Variants in PLEKHA7 observed in about 807,000 individuals in gnomAD.
The protein encoded by PLEKHA7 is pleckstrin homology domain containing A7.
A neutral mutation model predicts 170.0 loss-of-function variants in PLEKHA7; 104 were observed. That is an observed-to-expected ratio of 0.61 (90% CI 0.52 to 0.72). The LOEUF (loss-of-function observed/expected upper bound fraction) is 0.72, where lower values mean the gene tolerates loss of function less well. PLEKHA7 is among the 30% of genes least tolerant of loss of function. The pLI is 0.00. For synonymous variants in PLEKHA7, 648 were observed against 660.8 expected, an observed-to-expected ratio of 0.98 and a Z score of 0.30; for missense variants, 1,615 against 1,671.7, an observed-to-expected ratio of 0.97 and a Z score of 0.59.
At position 16,948,649 on chromosome 11, in the gene PLEKHA7, A is replaced by AAC. The variant is rs113101282; in HGVS notation, c.221+65338_221+65339dup. ...GTGCACACACACAGAGTGAAGGAGG[A>AAC]ACACACACACACACACACACACACA... On this transcript the variant is annotated intron_variant, in intron 3 of 26. Transcript: ENST00000531066. 1.6e-3 allele frequency among the ~76,000 whole-genome samples: 145 copies of AAC among 92,874 alleles called. 1 individual carries two copies. Among genetic ancestry groups the AAC allele is most frequent in the East Asian group, 4.8e-3 (6 of 1,254 alleles). The allele number at this position is 92,874 out of a possible 152,430, so 60.9% of individuals were successfully genotyped here. A position where few individuals can be genotyped will look rare whatever the true frequency, so the allele number is the denominator to read the frequency against.
Position 17,013,883 on chromosome 11 carries a change from G to A in PLEKHA7, c.221+106C>T, listed in dbSNP as rs961871587. ...TGGCCGCGGCGCAGCGCGCGCCAAC[G>A]AGCCCGGGCCGGCGGGAGCAGAGGA... On this transcript the variant is annotated intron_variant, in intron 3 of 26. Coordinates refer to ENST00000531066, the MANE Select transcript of PLEKHA7 (RefSeq NM_001329630.2). The A allele has an allele frequency of 2.4e-5, 31 of 1,266,696 alleles. No individual in the cohort carries two copies. In the African/African-American group the frequency reaches 3.5e-4, roughly 14 times the overall value. The allele number at this position is 1,266,696 out of a possible 1,614,324, so 78.5% of individuals were successfully genotyped here. A position where few individuals can be genotyped will look rare whatever the true frequency, so the allele number is the denominator to read the frequency against.
chr11:16,843,318 A>G (rs982373435), intron 8 of PLEKHA7, among the ~76,000 whole-genome samples: 1 of 152,252 alleles, frequency 6.6e-6, no homozygotes, highest in Non-Finnish European at 1.5e-5. Context: ...ATGAGAACCA[A>G]TGAAAAACTA....
chr11:16,819,160 C>A lies in PLEKHA7; in HGVS notation c.1344-1838G>T, dbSNP rs1850017621. On this transcript the variant is annotated intron_variant, in intron 10 of 26. Transcript: ENST00000531066. ...TTGCCCAGGCTGGAGTGCAGCGGTG[C>A]AATCTTGGCTCACTGCAACCTCCGC... Among the ~76,000 whole-genome samples, 2 of 151,756 alleles carry A rather than the reference C, an allele frequency of 1.3e-5. 1 individual carries two copies. The highest frequency in any genetic ancestry group is 4.2e-4 in the South Asian group (2 of 4,800).
intron 3 of PLEKHA7, among the ~76,000 whole-genome samples, chr11:16,967,566 C>G (rs1397267533): frequency 6.6e-6 from 1 of 152,084 alleles, no homozygotes; most frequent in Non-Finnish European, 1.5e-5. Context: ...TCACAAGGCA[C>G]AGTGTAGGCA....
At chr11:16,979,540 G>A (rs186109744) in intron 3 of PLEKHA7, among the ~76,000 whole-genome samples, 129 of 152,232 alleles carry the variant, frequency 8.5e-4, no homozygotes, top group African/African-American at 3.0e-3. Flanking sequence ...CAATAATAGG[G>A]GAACTGAGGT....
Position 16,826,126 on chromosome 11 carries a change from C to T in PLEKHA7, c.1337G>A (p.Ser446Asn), listed in dbSNP as rs745584301. 4.3e-6 allele frequency: 7 copies of T among 1,613,744 alleles called. No homozygotes were observed. The highest frequency in any genetic ancestry group is 1.1e-5 in the South Asian group (1 of 91,042). ...EHWARAQKGD[S>N]RSLPLDQTLP... ...TCCTGAGTCTATTACTCACCTCCTGCTATCCCCTTTCTGGGCCCTTGCCCA... is the reference window on the plus strand; with the variant it reads ...TCCTGAGTCTATTACTCACCTCCTGTTATCCCCTTTCTGGGCCCTTGCCCA... Residue 446 changes from serine (S) to asparagine (N), a missense_variant, in exon 10 of 27, where the codon AGC becomes AAC. Coordinates refer to ENST00000531066, the MANE Select transcript of PLEKHA7 (RefSeq NM_001329630.2).
chr11:16,893,444 T>C (rs1375268979), intron 3 of PLEKHA7, among the ~76,000 whole-genome samples: 1 of 152,196 alleles, frequency 6.6e-6, no homozygotes, highest in Non-Finnish European at 1.5e-5. Flanking sequence ...AGGGAGCTCT[T>C]ACAGCTCTGA....
intron 8 of PLEKHA7, among the ~76,000 whole-genome samples, chr11:16,850,352 C>T (rs1852828672): frequency 6.6e-6 from 1 of 152,232 alleles, no homozygotes; most frequent in Non-Finnish European, 1.5e-5. Context: ...GGGCCATGCC[C>T]TGTGGTGAGT....
chr11:16,789,890 A>G lies in PLEKHA7; in HGVS notation c.3053-12T>C. 13 of 1,610,334 alleles carry G rather than the reference A, an allele frequency of 8.1e-6. No individual in the cohort carries two copies. The highest frequency in any genetic ancestry group is 1.1e-5 in the Non-Finnish European group (13 of 1,176,590). On this transcript the variant is annotated splice_polypyrimidine_tract_variant and intron_variant, in intron 21 of 26. Coordinates refer to ENST00000531066, the MANE Select transcript of PLEKHA7 (RefSeq NM_001329630.2). The surrounding 1 kb of genome is among the most constrained non-coding windows in gnomAD (Gnocchi z 4.6). Reference sequence around the variant, plus strand: ...GGACCCTGAGAGCCCTTAGTGAGGAAAGAGAAGTGCAAGCATGTTTGTGCT... The same window carrying G: ...GGACCCTGAGAGCCCTTAGTGAGGAGAGAGAAGTGCAAGCATGTTTGTGCT...
chr11:16,798,217 G>C lies in PLEKHA7; in HGVS notation c.2409+2757C>G, dbSNP rs375935732. Among the ~76,000 whole-genome samples the C allele has an allele frequency of 2.0e-5, 3 of 152,312 alleles. No homozygotes were observed. The East Asian group carries it at 5.8e-4, about 29-fold the overall frequency. ...CTGCAGTGCTGATGATTTTTCTAGG[G>C]CTCTAACAGCCTGCCTGGCCTAGAA... On this transcript the variant is annotated intron_variant, in intron 17 of 26. Transcript: ENST00000531066.
chr11:16,973,585 G>A lies in PLEKHA7; in HGVS notation c.221+40404C>T, dbSNP rs528241936. 4.6e-5 allele frequency among the ~76,000 whole-genome samples: 7 copies of A among 152,294 alleles called. No homozygotes were observed. In the South Asian group the frequency reaches 1.5e-3, roughly 32 times the overall value. Reference sequence around the variant, plus strand: ...CGCTGCACATTAAAATCACTTGGGGGCTTAAAGGAAAATACTGCCAGGGAC... The same window carrying A: ...CGCTGCACATTAAAATCACTTGGGGACTTAAAGGAAAATACTGCCAGGGAC... On this transcript the variant is annotated intron_variant, in intron 3 of 26. Transcript: ENST00000531066.
intron 3 of PLEKHA7, among the ~76,000 whole-genome samples, chr11:16,896,499 A>C (rs1439439649): frequency 6.6e-6 from 1 of 152,042 alleles, no homozygotes; most frequent in Non-Finnish European, 1.5e-5. Context: ...AAGACTAGTT[A>C]ACTCTACTTC....
chr11:17,008,097 C>T (rs1366046848), intron 3 of PLEKHA7, among the ~76,000 whole-genome samples: 1 of 152,126 alleles, frequency 6.6e-6, no homozygotes, highest in Non-Finnish European at 1.5e-5. Flanking sequence ...TTACTCCAAG[C>T]CTCAGAAATG....
intron 8 of PLEKHA7, among the ~76,000 whole-genome samples, 172 bp downstream of exon 8, chr11:16,851,019 G>A (rs573684285): frequency 1.2e-4 from 19 of 152,310 alleles, no homozygotes; most frequent in African/African-American, 4.6e-4. Context: ...TCAAATGACA[G>A]TACCGGTCAT....
intron 3 of PLEKHA7, among the ~76,000 whole-genome samples, chr11:16,931,840 T>C (rs6486325): frequency 0.94 from 142,702 of 151,424 alleles, 67,378 homozygotes; most frequent in South Asian, 0.98. Flanking sequence ...TTTTGGATTC[T>C]TAGTTCTCCA....
chr11:16,786,507 TG>T, intron 23 of PLEKHA7, 120 bp from the exon 24 acceptor site: 1 of 1,485,432 alleles, frequency 6.7e-7, no homozygotes, highest in Non-Finnish European at 8.9e-7. Context: ...AGGGAAAAGC[TG>T]TATGTGCAAT....
Position 16,817,949 on chromosome 11 carries a change from G to A in PLEKHA7, c.1344-627C>T, listed in dbSNP as rs776990957. On this transcript the variant is annotated intron_variant, in intron 10 of 26. Coordinates refer to ENST00000531066, the MANE Select transcript of PLEKHA7 (RefSeq NM_001329630.2). This position sits in a 1 kb window ranked among gnomAD's most constrained non-coding sequence, Gnocchi z 4.4. Reference sequence around the variant, plus strand: ...CTCCTCAGCCTGGTACTCACAGCTCGCTAGCAGCTGACCTCAACACCCACC... The same window carrying A: ...CTCCTCAGCCTGGTACTCACAGCTCACTAGCAGCTGACCTCAACACCCACC... Among the ~76,000 whole-genome samples the A allele has an allele frequency of 3.3e-5, 5 of 152,114 alleles. No individual in the cohort carries two copies. The highest frequency in any genetic ancestry group is 7.3e-5 in the Non-Finnish European group (5 of 68,028).
chr11:16,919,124 G>A (rs1472316608), intron 3 of PLEKHA7, among the ~76,000 whole-genome samples: 2 of 152,182 alleles, frequency 1.3e-5, no homozygotes, highest in East Asian at 3.8e-4. Flanking sequence ...TGAGGCAGGA[G>A]AATCGCTTGT....
At chr11:16,889,165 AC>A (rs1468465045) in intron 3 of PLEKHA7, among the ~76,000 whole-genome samples, 6 of 147,100 alleles carry the variant, frequency 4.1e-5, no homozygotes, top group African/African-American at 1.2e-4. Context: ...TCCCTGCCCC[AC>A]CTTAACCGAT....
Sources: gnomAD v4.1 joint callset for allele counts (sites outside exome capture counted in the v4.1 genomes callset) on GRCh38, gnomAD v4.1.1 for gene constraint, Gnocchi (gnomAD v3.1) non-coding constraint, MANE v1.5 for transcripts, NCBI Gene and HGNC (gene_info 2026-07-23, HGNC 2026-07-21) for gene names.